HEXB: variants seen among roughly 807,000 people sequenced by gnomAD.
The protein encoded by HEXB is beta-hexosaminidase subunit beta.
In HEXB, 51 loss-of-function variants were observed where a neutral mutation model predicts 71.2. The observed-to-expected ratio is 0.72, with a 90% confidence interval of 0.57 to 0.90. The LOEUF (loss-of-function observed/expected upper bound fraction) is 0.90. Among genes scored for constraint, HEXB ranks in the 40% least tolerant of loss-of-function variants. The pLI, the probability that HEXB is intolerant of heterozygous loss-of-function variation, is 0.00. For synonymous variants in HEXB, 266 were observed against 249.3 expected (o/e 1.07, Z -0.63); for missense variants, 617 against 677.0 (o/e 0.91, Z 0.98).
rs1338035306 is a variant in HEXB at position 74,716,629 on chromosome 5, C to T, written c.1125C>T (p.Gly375=). The T allele has an allele frequency of 3.7e-6, 6 of 1,610,048 alleles. No individual in the cohort carries two copies. Among genetic ancestry groups the T allele is most frequent in the Non-Finnish European group, 5.1e-6 (6 of 1,178,110 alleles). The change falls in exon 9 of 14, where the codon GGC becomes GGT. Residue 375 remains glycine, a synonymous_variant. Transcript: ENST00000261416. The part of the protein sequence containing the change: ...PKIQDFMRQK[G]FGTDFKKLES... ...TTCAAGATTTCATGAGGCAAAAAGG[C>T]TTTGGCACAGATTTTAAGAAACTAG...
rs1748123705 is a variant in HEXB, at chr5:74,652,150, A to T, written c.-377+11592A>T. On this transcript the variant is annotated intron_variant, in intron 1 of 13. Transcript: ENST00000511181. The surrounding 1 kb of genome is among the most constrained non-coding windows in gnomAD (Gnocchi z 5.4). ...GTGAGTAGGTAATACATATGCATGGATCAACCATAAATAATAATTAATGTC... is the reference window on the plus strand; with the variant it reads ...GTGAGTAGGTAATACATATGCATGGTTCAACCATAAATAATAATTAATGTC... 6.6e-6 allele frequency among the ~76,000 whole-genome samples: 1 copy of T among 152,138 alleles called. No homozygotes were observed. The highest frequency in any genetic ancestry group is 1.5e-5 in the Non-Finnish European group (1 of 67,974).
intron 1 of HEXB, among the ~76,000 whole-genome samples, chr5:74,675,592 A>T (rs1326182433): frequency 2.0e-5 from 3 of 152,332 alleles, no homozygotes; most frequent in East Asian, 1.9e-4. Context: ...CCTGGAGCAC[A>T]CAACTGAGGG....
chr5:74,719,011 GA>G, intron 11 of HEXB, 40 bp downstream of exon 11: 4 of 1,593,894 alleles, frequency 2.5e-6, no homozygotes, highest in Middle Eastern at 3.3e-4. Flanking sequence ...GGGTTACTGT[GA>G]AGCTGATGGT....
At chr5:74,679,610 G>A (rs1748700198) in intron 1 of HEXB, among the ~76,000 whole-genome samples, 1 of 151,864 alleles carries the variant, frequency 6.6e-6, no homozygotes, top group Non-Finnish European at 1.5e-5. Flanking sequence ...GACCAGCCTG[G>A]CCAACATGGT....
At chr5:74,685,093 C>G, upstream of HEXB, 1 of 701,304 alleles carries the variant, frequency 1.4e-6, no homozygotes, top group Non-Finnish European at 2.2e-6. Flanking sequence ...ACAGGGCGGG[C>G]TGGGCGAGGA....
At chr5:74,689,562 C>CTGGT in intron 2 of HEXB, 89 bp downstream of exon 2, 1 of 1,032,708 alleles carries the variant, frequency 9.7e-7, no homozygotes, top group Non-Finnish European at 1.5e-6. Flanking sequence ...CTAGGAACCA[C>CTGGT]TGAGTTCTCA....
chr5:74,705,366 G>T, intron 6 of HEXB, 46 bp downstream of exon 6: 1 of 998,840 alleles, frequency 1.0e-6, no homozygotes. Context: ...ATTGGGTATA[G>T]TTTCATTACA....
Position 74,720,886 on chromosome 5 carries a change from A to T in HEXB, c.1613+139A>T. The T allele has an allele frequency of 3.7e-6, 3 of 813,130 alleles. No homozygotes were observed. The South Asian group carries it at 4.4e-5, about 12-fold the overall frequency. 50.4% of individuals were successfully genotyped at this position (813,130 alleles called of 1,614,324 possible). A position where few individuals can be genotyped will look rare whatever the true frequency, so the allele number is the denominator to read the frequency against. On this transcript the variant is annotated intron_variant, in intron 13 of 13. Coordinates refer to ENST00000261416, the MANE Select transcript of HEXB (RefSeq NM_000521.4). ...GAATTATTTTTTTGTAAGTAATAAT[A>T]CCTGTAAAGATATATTCAGACTTGT...
chr5:74,681,782 TC>T (rs1179727422), upstream of HEXB, among the ~76,000 whole-genome samples: 1 of 152,220 alleles, frequency 6.6e-6, no homozygotes, highest in African/African-American at 2.4e-5. Flanking sequence ...ATTTATCTCT[TC>T]CTAGTCTTCT....
intron 6 of HEXB, chr5:74,705,716 G>T: frequency 8.1e-6 from 2 of 245,836 alleles, no homozygotes; most frequent in Middle Eastern, 1.7e-3. Flanking sequence ...CATGAAGTAG[G>T]GAATTTTAGA....
At chr5:74,670,862 C>T (rs1665892) in intron 1 of HEXB, among the ~76,000 whole-genome samples, 48,836 of 151,720 alleles carry the variant, frequency 0.32, 9,044 homozygotes, top group African/African-American at 0.52. Flanking sequence ...GGCTGGACCC[C>T]GCACTTGCTC....
Position 74,710,137 on chromosome 5 carries a change from G to T in HEXB, c.772-3369G>T, listed in dbSNP as rs189699701. Among the ~76,000 whole-genome samples, 795 of 152,200 alleles carry T rather than the reference G, an allele frequency of 5.2e-3. 1 individual carries two copies. The highest frequency in any genetic ancestry group is 8.4e-3 in the Non-Finnish European group (571 of 68,028). ...GGGACGCAAGCCTGGTTCAATATAC[G>T]TAAATCAATAAATGTAATCCAGCAT... On this transcript the variant is annotated intron_variant, in intron 6 of 13. Coordinates refer to ENST00000261416, the MANE Select transcript of HEXB (RefSeq NM_000521.4).
At position 74,718,881 on chromosome 5, in the gene HEXB, G is replaced by A. The variant is rs1330911042; in HGVS notation, c.1327G>A (p.Val443Ile). ...TAGAGTCACAGCATCTGGCTTCCCT[G>A]TAATCCTTTCTGCTCCTTGGTACTT... ...LSRVTASGFP[V>I]ILSAPWYLDL... is the part of the protein sequence containing the mutation. The change falls in exon 11 of 14, where the codon GTA (valine) becomes ATA (isoleucine). Residue 443 changes from valine (V) to isoleucine (I), a missense_variant. Val to Ile is a conservative substitution (Grantham distance 29). Coordinates refer to ENST00000261416, the MANE Select transcript of HEXB (RefSeq NM_000521.4). The A allele has an allele frequency of 1.2e-6, 2 of 1,613,928 alleles. No homozygotes were observed. Among genetic ancestry groups the A allele is most frequent in the African/African-American group, 2.7e-5 (2 of 74,908 alleles).
chr5:74,690,612 G>T (rs1030514460), intron 2 of HEXB, among the ~76,000 whole-genome samples: 1 of 133,374 alleles, frequency 7.5e-6, no homozygotes. Context: ...CAATCATGCC[G>T]CTGCACTCCA....
Position 74,652,549 on chromosome 5 carries a change from A to G in HEXB, c.-377+11991A>G, listed in dbSNP as rs773811564. Among the ~76,000 whole-genome samples, 4 of 152,218 alleles carry G rather than the reference A, an allele frequency of 2.6e-5. No individual in the cohort carries two copies. The highest frequency in any genetic ancestry group is 5.9e-5 in the Non-Finnish European group (4 of 68,040). ...ATAGTTAGGACAAACAGACCATAAG[A>G]AAATGTAACTTAATTTTTCTAGAAC... On this transcript the variant is annotated intron_variant, in intron 1 of 13. Coordinates refer to the HEXB transcript ENST00000511181. The surrounding 1 kb of genome is among the most constrained non-coding windows in gnomAD (Gnocchi z 5.4).
chr5:74,663,033 A>G (rs114522299), intron 1 of HEXB, among the ~76,000 whole-genome samples: 1 of 152,354 alleles, frequency 6.6e-6, no homozygotes, highest in African/African-American at 2.4e-5. Context: ...ATTTAACAAA[A>G]TAAGTACTTT....
intron 1 of HEXB, among the ~76,000 whole-genome samples, chr5:74,651,853 C>T (rs1374774560): frequency 6.6e-6 from 1 of 152,152 alleles, no homozygotes; most frequent in African/African-American, 2.4e-5. Context: ...TGCCTTGGTG[C>T]TAGAAGTGAT....
At chr5:74,711,117 C>G (rs1287101304) in intron 6 of HEXB, among the ~76,000 whole-genome samples, 9 of 150,816 alleles carry the variant, frequency 6.0e-5, no homozygotes, top group South Asian at 2.1e-4. Flanking sequence ...ACAGAGCCCT[C>G]AGAAATAACG....
intron 12 of HEXB, 53 bp from the exon 13 acceptor site, chr5:74,720,590 T>A: frequency 6.3e-7 from 1 of 1,598,000 alleles, no homozygotes; most frequent in Non-Finnish European, 8.6e-7. Flanking sequence ...AACACAAAAG[T>A]GCTAAACATA....
Sources: gnomAD v4.1 joint callset for allele counts (sites outside exome capture counted in the v4.1 genomes callset) on GRCh38, gnomAD v4.1.1 for gene constraint, Gnocchi (gnomAD v3.1) non-coding constraint, MANE v1.5 for transcripts, NCBI Gene and HGNC (gene_info 2026-07-23, HGNC 2026-07-21) for gene names.